Variants in RBM10 observed in about 807,000 individuals in gnomAD.
RBM10 encodes RNA binding motif protein 10.
In RBM10, 1 loss-of-function variant was observed where a neutral mutation model predicts 84.9. The ratio of observed to expected loss-of-function variants is 0.01; its 90% confidence interval spans 0.00 to 0.06. RBM10 has a LOEUF of 0.06. Among genes scored for constraint, RBM10 ranks in the 10% least tolerant of loss-of-function variants. The pLI is 1.00. For missense variants in RBM10, 438 were observed against 839.0 expected (o/e 0.52, Z 5.90); for synonymous variants, 326 against 344.5 (o/e 0.95, Z 0.60).
chrX:47,157,594 C>T (rs1556765556), intron 2 of RBM10: 18 of 461,707 alleles, frequency 3.9e-5, no homozygotes, highest in Non-Finnish European at 5.2e-5. Flanking sequence ...AGGGTTCTGA[C>T]GGCAGGGAAG....
intron 1 of RBM10, among the ~76,000 whole-genome samples, chrX:47,146,496 G>A (rs1569164561): frequency 9.0e-6 from 1 of 111,501 alleles, no homozygotes; most frequent in Non-Finnish European, 1.9e-5. Context: ...TTCAGAGGGT[G>A]GGGCCTGAAG....
chrX:47,145,587 C>T (rs1556761703), intron 1 of RBM10, 102 bp downstream of exon 1: 3 of 650,156 alleles, frequency 4.6e-6, no homozygotes, highest in East Asian at 1.1e-4. Flanking sequence ...ATGCGCGGAA[C>T]GGAGGGGTTG....
chrX:47,170,088 C>A (rs1355729471), intron 3 of RBM10, among the ~76,000 whole-genome samples: 10 of 113,371 alleles, frequency 8.8e-5, no homozygotes, highest in African/African-American at 1.3e-4. Context: ...TAGGGGAATC[C>A]CAGTTGGAGG....
At chrX:47,167,654 C>G (rs1487764405) in intron 2 of RBM10, among the ~76,000 whole-genome samples, 1 of 112,265 alleles carries the variant, frequency 8.9e-6, no homozygotes, top group African/African-American at 3.2e-5. Context: ...CCTATGGTTT[C>G]ATTTCTTATG....
intron 22 of RBM10, 39 bp from the exon 23 acceptor site, chrX:47,186,219 C>T (rs782632248): frequency 5.0e-6 from 6 of 1,209,402 alleles, no homozygotes; most frequent in East Asian, 3.0e-5. Flanking sequence ...GGGCCGGGGC[C>T]GGCAGGCCGA....
chrX:47,154,430 T>C (rs782615582), intron 2 of RBM10, among the ~76,000 whole-genome samples: 2,285 of 9,237 alleles, frequency 0.25, 34 homozygotes, highest in Non-Finnish European at 0.32. Context: ...TGATTTTTTT[T>C]CCTTTTTTTT....
At position 47,182,241 on chromosome X, in the gene RBM10, C is replaced by T. The variant is rs1556780218; in HGVS notation, c.1865C>T (p.Ser622Leu). 3 of 1,211,580 alleles carry T rather than the reference C, an allele frequency of 2.5e-6. No homozygotes were observed. Among genetic ancestry groups the T allele is most frequent in the Admixed American group, 2.2e-5 (1 of 46,025 alleles). ...RRTYVPALEQ[S>L]ADGHKETGAP... ...ACCTATGTTCCCGCCCTGGAGCAGT[C>T]GGCCGACGGACATAAGGAGACAGGG... is the stretch of plus-strand genomic sequence containing the variant. Residue 622 changes from serine to leucine, a missense_variant, in exon 17 of 24, where the codon TCG becomes TTG. Transcript: ENST00000377604.
chrX:47,176,817 C>T (rs1189187340), intron 7 of RBM10, among the ~76,000 whole-genome samples: 2 of 110,026 alleles, frequency 1.8e-5, no homozygotes, highest in African/African-American at 3.3e-5. Flanking sequence ...GTGTAGTGAG[C>T]GTTCACTTGG....
At chrX:47,171,325 C>T in intron 4 of RBM10, 67 bp downstream of exon 4, 1 of 1,178,148 alleles carries the variant, frequency 8.5e-7, no homozygotes. Context: ...TCAACTTCTC[C>T]CCACCCCTCC....
chrX:47,147,115 CCT>C (rs1932319168), intron 1 of RBM10, among the ~76,000 whole-genome samples: 1 of 111,771 alleles, frequency 8.9e-6, no homozygotes, highest in Admixed American at 9.5e-5. Flanking sequence ...CAAGATGCCC[CCT>C]GTCTGCTGAA....
intron 1 of RBM10, 142 bp from the exon 2 acceptor site, chrX:47,147,215 T>G: frequency 1.6e-6 from 1 of 628,209 alleles, no homozygotes; most frequent in South Asian, 2.4e-5. Flanking sequence ...ACCTTCATAC[T>G]GTGATGCACA....
At chrX:47,159,735 C>A (rs1556766241) in intron 2 of RBM10, among the ~76,000 whole-genome samples, 1 of 111,771 alleles carries the variant, frequency 8.9e-6, no homozygotes, top group African/African-American at 3.3e-5. Flanking sequence ...GGAAAGGACT[C>A]CCTGTTCAAT....
intron 5 of RBM10, among the ~76,000 whole-genome samples, chrX:47,174,783 A>C (rs1280922547): frequency 9.5e-6 from 1 of 104,865 alleles, no homozygotes; most frequent in African/African-American, 3.5e-5. Context: ...CCCCCTACCG[A>C]CCTCTGGCCT....
At chrX:47,178,685 G>T (rs954211608) in intron 7 of RBM10, among the ~76,000 whole-genome samples, 2 of 112,125 alleles carry the variant, frequency 1.8e-5, no homozygotes, top group Non-Finnish European at 3.8e-5. Context: ...TAAGAGGAGG[G>T]GTGCGGGTCT....
chrX:47,150,163 T>TTTTG (rs201979048), intron 2 of RBM10, among the ~76,000 whole-genome samples: 3,257 of 109,345 alleles, frequency 0.03, 162 homozygotes, highest in African/African-American at 0.1. Context: ...GTATAGTGTT[T>TTTTG]TTTGTTTGTT....
intron 2 of RBM10, chrX:47,157,282 T>G: frequency 3.0e-6 from 1 of 329,449 alleles, no homozygotes; most frequent in Non-Finnish European, 5.9e-6. Context: ...TAGGACTTGC[T>G]GACCACGAAC....
At chrX:47,171,750 C>A (rs1285539551) in intron 4 of RBM10, among the ~76,000 whole-genome samples, 1 of 112,155 alleles carries the variant, frequency 8.9e-6, no homozygotes, top group Non-Finnish European at 1.9e-5. Flanking sequence ...TGCTAACAGC[C>A]TCCACGCCTG....
At chrX:47,157,272 TA>T in intron 2 of RBM10, 1 of 325,273 alleles carries the variant, frequency 3.1e-6, no homozygotes. Flanking sequence ...GACCACGGTG[TA>T]GGACTTGCTG....
At chrX:47,157,521 C>A in intron 2 of RBM10, 1 of 411,692 alleles carries the variant, frequency 2.4e-6, no homozygotes, top group African/African-American at 2.5e-5. Flanking sequence ...CAAGCAGATC[C>A]TGCCGCCTTC....
Sources: allele counts gnomAD v4.1 joint callset (sites outside exome capture counted in the v4.1 genomes callset), GRCh38; gene constraint gnomAD v4.1.1; transcripts MANE v1.5; gene names NCBI Gene and HGNC (gene_info 2026-07-23, HGNC 2026-07-21).